The following ASCC3 variants were observed in gnomAD, a reference collection of about 807,000 sequenced individuals.
ASCC3 encodes the protein activating signal cointegrator 1 complex subunit 3.
ASCC3 carries 158 observed loss-of-function variants against 256.3 expected under a neutral mutation model. The ratio of observed to expected loss-of-function variants is 0.62; its 90% confidence interval spans 0.54 to 0.70. The LOEUF is 0.70. Ranked by LOEUF, ASCC3 falls within the 30% of genes least tolerant of loss-of-function variation. The pLI is 0.00. For synonymous variants in ASCC3, 948 were observed against 883.4 expected, an observed-to-expected ratio of 1.07 and a Z score of -1.30; for missense variants, 2,259 against 2,626.0, an observed-to-expected ratio of 0.86 and a Z score of 3.05.
chr6:100,864,344 C>G, intron 2 of ASCC3, 130 bp from the exon 3 acceptor site: 1 of 751,620 alleles, frequency 1.3e-6, no homozygotes, highest in African/African-American at 1.8e-5. Flanking sequence ...TGTATCTATT[C>G]ACATCCAAAC....
chr6:100,856,990 G>T (rs1395512495), intron 3 of ASCC3: 2 of 152,094 alleles, frequency 1.3e-5, no homozygotes, highest in Non-Finnish European at 2.9e-5. Flanking sequence ...ACCACAGTAG[G>T]TAATAGTAGA....
At chr6:100,839,411 G>A (rs1376238263) in intron 4 of ASCC3, among the ~76,000 whole-genome samples, 2 of 152,072 alleles carry the variant, frequency 1.3e-5, no homozygotes, top group Non-Finnish European at 2.9e-5. Context: ...TTCCAATCAA[G>A]AGCAAATTAG....
At chr6:100,783,356 AC>A in intron 8 of ASCC3, among the ~76,000 whole-genome samples, 1 of 152,292 alleles carries the variant, frequency 6.6e-6, no homozygotes, top group South Asian at 2.1e-4. Flanking sequence ...AATATTTGTG[AC>A]ATCAGACCCG....
At chr6:100,589,922 T>C (rs1771914246) in intron 35 of ASCC3, 26 bp downstream of exon 35, 2 of 1,595,738 alleles carry the variant, frequency 1.3e-6, no homozygotes, top group Non-Finnish European at 1.7e-6. Context: ...ATCTTTTCAA[T>C]TAGAATGCAT....
At chr6:100,696,627 T>A (rs967790525) in intron 13 of ASCC3, among the ~76,000 whole-genome samples, 1 of 152,096 alleles carries the variant, frequency 6.6e-6, no homozygotes, top group African/African-American at 2.4e-5. Context: ...ATACTCCCAA[T>A]GGATGTTTAG....
intron 13 of ASCC3, among the ~76,000 whole-genome samples, chr6:100,703,778 C>T (rs1778451252): frequency 6.6e-6 from 1 of 151,790 alleles, no homozygotes; most frequent in Admixed American, 6.6e-5. Context: ...AAACACCTTA[C>T]CCATAGAATG....
intron 4 of ASCC3, among the ~76,000 whole-genome samples, chr6:100,819,259 A>T (rs896711904): frequency 6.6e-6 from 1 of 152,136 alleles, no homozygotes; most frequent in East Asian, 1.9e-4. Context: ...GCACATGTAT[A>T]CCTATGTATC....
intron 39 of ASCC3, among the ~76,000 whole-genome samples, 162 bp from the exon 40 acceptor site, chr6:100,513,080 C>A (rs150939834): frequency 6.6e-6 from 1 of 152,110 alleles, no homozygotes; most frequent in Non-Finnish European, 1.5e-5. Flanking sequence ...ATTCTGTGGA[C>A]CATTTACCCA....
intron 10 of ASCC3, among the ~76,000 whole-genome samples, chr6:100,733,702 G>A (rs1189587755): frequency 6.6e-6 from 1 of 152,148 alleles, no homozygotes; most frequent in Non-Finnish European, 1.5e-5. Flanking sequence ...AACCTCATGA[G>A]ACAATTACTT....
intron 10 of ASCC3, among the ~76,000 whole-genome samples, chr6:100,741,812 A>G (rs995116302): frequency 6.6e-6 from 1 of 152,120 alleles, no homozygotes; most frequent in Admixed American, 6.5e-5. Context: ...GCTTCTTTGT[A>G]CTAGGCTACA....
At chr6:100,690,736 T>C (rs1331405503) in intron 13 of ASCC3, among the ~76,000 whole-genome samples, 1 of 152,142 alleles carries the variant, frequency 6.6e-6, no homozygotes, top group Non-Finnish European at 1.5e-5. Context: ...CATGAAGTTA[T>C]GTAAATAAGC....
Position 100,833,929 on chromosome 6 carries a change from T to C in ASCC3, c.801+14219A>G, listed in dbSNP as rs566061738. ...CCCATCTTTACTAAAAATACAAAAA[T>C]TAGCCAGGCGTGGTGGTGCGTGCCT... On this transcript the variant is annotated intron_variant, in intron 4 of 41. Transcript: ENST00000369162. 1.6e-4 allele frequency among the ~76,000 whole-genome samples: 25 copies of C among 152,060 alleles called. No individual in the cohort carries two copies. The South Asian group carries it at 2.3e-3, about 14-fold the overall frequency.
chr6:100,726,946 T>TTGAGA (rs1416271326), intron 10 of ASCC3, among the ~76,000 whole-genome samples: 1 of 152,034 alleles, frequency 6.6e-6, no homozygotes, highest in Non-Finnish European at 1.5e-5. Flanking sequence ...AATGGCATAG[T>TTGAGA]TGAGATGCTT....
intron 36 of ASCC3, among the ~76,000 whole-genome samples, chr6:100,550,279 A>T (rs538470602): frequency 6.6e-6 from 1 of 151,980 alleles, no homozygotes; most frequent in East Asian, 1.9e-4. Context: ...TGCAACCTGC[A>T]TTGGGTCTAC....
chr6:100,639,844 G>A (rs1017886008), intron 24 of ASCC3, among the ~76,000 whole-genome samples: 1 of 152,194 alleles, frequency 6.6e-6, no homozygotes, highest in Admixed American at 6.5e-5. Flanking sequence ...GCCGGGAGCG[G>A]TGGCTCAAGC....
At chr6:100,565,586 C>T (rs1770197581) in intron 36 of ASCC3, among the ~76,000 whole-genome samples, 1 of 152,082 alleles carries the variant, frequency 6.6e-6, no homozygotes, top group Non-Finnish European at 1.5e-5. Flanking sequence ...GATGATGTGG[C>T]AGTGAAGGTT....
intron 13 of ASCC3, among the ~76,000 whole-genome samples, chr6:100,693,945 A>T (rs762097713): frequency 1.3e-5 from 2 of 152,088 alleles, no homozygotes; most frequent in Non-Finnish European, 2.9e-5. Flanking sequence ...ACTTCCAAAC[A>T]GCACACTTCT....
chr6:100,696,325 A>T (rs1778080068), intron 13 of ASCC3, among the ~76,000 whole-genome samples: 1 of 152,168 alleles, frequency 6.6e-6, no homozygotes, highest in Non-Finnish European at 1.5e-5. Flanking sequence ...TTGAATATTT[A>T]TCTCCTTTTT....
chr6:100,737,706 T>A (rs1048717765), intron 10 of ASCC3, among the ~76,000 whole-genome samples: 26 of 152,220 alleles, frequency 1.7e-4, no homozygotes, highest in African/African-American at 6.3e-4. Context: ...ACATGTATCT[T>A]TGTAACAGAA....
Sources: allele counts gnomAD v4.1 joint callset (sites outside exome capture counted in the v4.1 genomes callset), GRCh38; gene constraint gnomAD v4.1.1; transcripts MANE v1.5; gene names NCBI Gene and HGNC (gene_info 2026-07-23, HGNC 2026-07-21).